The following ROS1 variants were observed in gnomAD, a reference collection of about 807,000 sequenced individuals.
The protein encoded by ROS1 is proto-oncogene tyrosine-protein kinase ROS.
In ROS1, 263 loss-of-function variants were observed where a neutral mutation model predicts 273.5. The observed-to-expected ratio is 0.96, with a 90% CI of 0.87 to 1.06. ROS1 has a LOEUF of 1.06. ROS1 is among the 50% of genes least tolerant of loss of function. The pLI is 0.00. For synonymous variants in ROS1, 1,008 were observed against 954.1 expected (o/e 1.06, Z -1.04); for missense variants, 2,833 against 2,751.1 (o/e 1.03, Z -0.67).
At chr6:117,310,802 C>T (rs553557176) in intron 40 of ROS1, among the ~76,000 whole-genome samples, 10 of 152,116 alleles carry the variant, frequency 6.6e-5, no homozygotes, top group East Asian at 3.9e-4. Context: ...TGGGCATTTG[C>T]GTTGGTTCCA....
chr6:117,365,301 A>G (rs1417413907), intron 20 of ROS1, 97 bp from the exon 21 acceptor site: 6 of 1,327,988 alleles, frequency 4.5e-6, no homozygotes, highest in Non-Finnish European at 6.1e-6. Context: ...GTTCACATGT[A>G]AAATCAAAAT....
chr6:117,376,375 A>G (rs1781329453), intron 18 of ROS1, among the ~76,000 whole-genome samples: 1 of 152,160 alleles, frequency 6.6e-6, no homozygotes. Context: ...ATTTTCCACA[A>G]AGAAAACTCC....
At chr6:117,424,591 G>T (rs1776001854) in intron 1 of ROS1, among the ~76,000 whole-genome samples, 1 of 151,776 alleles carries the variant, frequency 6.6e-6, no homozygotes, top group South Asian at 2.1e-4. Flanking sequence ...TATATTAAAG[G>T]CAATGAAGTC....
At chr6:117,396,132 A>C in intron 9 of ROS1, 56 bp downstream of exon 9, 1 of 1,429,892 alleles carries the variant, frequency 7.0e-7, no homozygotes, top group Non-Finnish European at 9.8e-7. Context: ...CTGGCTCTGA[A>C]ACCACCCTTG....
At chr6:117,372,464 TCTGA>T (rs1780885817) in intron 18 of ROS1, among the ~76,000 whole-genome samples, 1 of 152,356 alleles carries the variant, frequency 6.6e-6, no homozygotes, top group African/African-American at 2.4e-5. Context: ...GGGTTCTTTT[TCTGA>T]CTGACTTCAA....
intron 39 of ROS1, among the ~76,000 whole-genome samples, chr6:117,316,328 G>A (rs901527996): frequency 6.6e-6 from 1 of 152,058 alleles, no homozygotes; most frequent in Admixed American, 6.6e-5. Context: ...ATGAGGCAGT[G>A]CACAGGGCTC....
Position 117,385,677 on chromosome 6 carries a change from A to C in ROS1, c.2289+6T>G. On this transcript the variant is annotated splice_donor_region_variant and intron_variant, in intron 16 of 43. Coordinates refer to ENST00000368507, the MANE Select transcript of ROS1 (RefSeq NM_001378902.1). ...AGAGCATCCAGAATGCCATGCTTTA[A>C]CTCACCACATATGTCTTTCCAGCCC... The C allele has an allele frequency of 6.2e-7, 1 of 1,613,866 alleles. No individual in the cohort carries two copies. The highest frequency in any genetic ancestry group is 2.2e-5 in the East Asian group (1 of 44,888).
At chr6:117,330,260 G>A (rs1776984614) in intron 32 of ROS1, among the ~76,000 whole-genome samples, 1 of 152,136 alleles carries the variant, frequency 6.6e-6, no homozygotes, top group Admixed American at 6.5e-5. Context: ...CTCAGTGGGT[G>A]GGGCTTCCCT....
chr6:117,394,614 A>G lies in ROS1; in HGVS notation c.1006+2T>C. The stretch of plus-strand genomic sequence containing the variant: ...GGAATCATTTATCCTTATCATACTG[A>G]CCTGTAATATTATGGTATATAGCAT... On this transcript the variant is annotated splice_donor_variant, in intron 10 of 43. Coordinates refer to ENST00000368507, the MANE Select transcript of ROS1 (RefSeq NM_001378902.1). LOFTEE classifies it high-confidence loss of function. 1 of 1,597,482 alleles carries G rather than the reference A, an allele frequency of 6.3e-7. No homozygotes were observed. Among genetic ancestry groups the G allele is most frequent in the Admixed American group, 1.7e-5 (1 of 58,142 alleles).
chr6:117,289,344 A>G (rs1773660325), intron 43 of ROS1, among the ~76,000 whole-genome samples: 1 of 152,260 alleles, frequency 6.6e-6, no homozygotes, highest in African/African-American at 2.4e-5. Flanking sequence ...TGATGGATAT[A>G]GCAATGAATG....
rs370715377 is a variant in ROS1 at position 117,317,280 on chromosome 6, G to A, written c.5988-8C>T. On this transcript the variant is annotated splice_region_variant and splice_polypyrimidine_tract_variant and intron_variant, in intron 38 of 43. Coordinates refer to ENST00000368507, the MANE Select transcript of ROS1 (RefSeq NM_001378902.1). ...TTGGGATGATTAAATTTGCTGAAAG[G>A]TGGAAAGACACAGGCTGGATGATAT... is the stretch of plus-strand genomic sequence containing the variant. 17 of 1,610,288 alleles carry A rather than the reference G, an allele frequency of 1.1e-5. No individual in the cohort carries two copies. In the African/African-American group the frequency reaches 1.7e-4, roughly 16 times the overall value.
At chr6:117,395,644 G>A (rs538676994) in intron 9 of ROS1, among the ~76,000 whole-genome samples, 1 of 152,148 alleles carries the variant, frequency 6.6e-6, no homozygotes, top group Non-Finnish European at 1.5e-5. Flanking sequence ...CATACAGTAA[G>A]TATTCAGTCA....
At chr6:117,306,579 G>T (rs955084854) in intron 42 of ROS1, among the ~76,000 whole-genome samples, 4 of 152,148 alleles carry the variant, frequency 2.6e-5, no homozygotes, top group African/African-American at 9.7e-5. Context: ...TCCATTAATA[G>T]CTGAGTACAG....
chr6:117,352,955 G>A (rs374395009), intron 27 of ROS1, 35 bp downstream of exon 27: 2 of 1,593,074 alleles, frequency 1.3e-6, no homozygotes, highest in Admixed American at 1.7e-5. Context: ...CCCTAAATTG[G>A]GAGAACAAGC....
rs561775569 is a variant in ROS1 at position 117,342,420 on chromosome 6, C to A, written c.4631G>T (p.Trp1544Leu). The A allele has an allele frequency of 1.6e-5, 25 of 1,612,064 alleles. No homozygotes were observed. Among genetic ancestry groups the A allele is most frequent in the African/African-American group, 1.3e-5 (1 of 74,940 alleles). Residue 1544 changes from tryptophan to leucine, a missense_variant, in exon 29 of 44, where the codon TGG (tryptophan) becomes TTG (leucine). Trp to Leu is a moderately conservative substitution (Grantham distance 61). Coordinates refer to ENST00000368507, the MANE Select transcript of ROS1 (RefSeq NM_001378902.1). ...LEHLPPGKEI[W>L]GKTKNGVPEA... The stretch of plus-strand genomic sequence containing the variant: ...CTTACCTCCATTTTTAGTTTTTCCC[C>A]AAATCTCTTTTCCTGGTGGTAAATG...
chr6:117,368,133 G>A (rs542592810), intron 18 of ROS1, among the ~76,000 whole-genome samples: 28 of 152,274 alleles, frequency 1.8e-4, no homozygotes, highest in Admixed American at 1.2e-3. Context: ...ATTGTGTTTA[G>A]AGGTTTTTTT....
At chr6:117,353,954 A>T (rs1452597001) in intron 26 of ROS1, among the ~76,000 whole-genome samples, 1 of 152,202 alleles carries the variant, frequency 6.6e-6, no homozygotes, top group African/African-American at 2.4e-5. Flanking sequence ...ATTTAAGAGA[A>T]TATTAACTAG....
At chr6:117,365,014 G>A (rs1434788797) in intron 21 of ROS1, 46 bp downstream of exon 21, 1 of 1,574,572 alleles carries the variant, frequency 6.4e-7, no homozygotes, top group African/African-American at 1.4e-5. Flanking sequence ...CATGAAAAGT[G>A]AGATTCTGCT....
intron 17 of ROS1, among the ~76,000 whole-genome samples, chr6:117,381,614 T>C (rs1195349145): frequency 1.3e-5 from 2 of 152,142 alleles, no homozygotes; most frequent in Non-Finnish European, 2.9e-5. Flanking sequence ...GGTGTATTTA[T>C]ACCACATTTT....
Sources: gnomAD v4.1 joint callset for allele counts (sites outside exome capture counted in the v4.1 genomes callset) on GRCh38, gnomAD v4.1.1 for gene constraint, MANE v1.5 for transcripts, NCBI Gene and HGNC (gene_info 2026-07-23, HGNC 2026-07-21) for gene names.